The following CEP131 variants were observed in gnomAD, a reference collection of about 807,000 sequenced individuals.
CEP131 encodes the protein centrosomal protein 131.
Under a neutral mutation model 136.8 loss-of-function variants are expected in CEP131, and 99 were observed. The observed-to-expected ratio is 0.72, with a 90% CI of 0.62 to 0.86. The LOEUF (loss-of-function observed/expected upper bound fraction) is 0.86. CEP131 is among the 40% of genes least tolerant of loss of function. The pLI, the probability that CEP131 is intolerant of heterozygous loss-of-function variation, is 0.00. For missense variants in CEP131, 1,459 were observed against 1,463.0 expected, an observed-to-expected ratio of 1.00 and a Z score of 0.04; for synonymous variants, 646 against 612.7, an observed-to-expected ratio of 1.05 and a Z score of -0.80.
chr17:81,194,564 C>T (rs1019091212), intron 17 of CEP131, among the ~76,000 whole-genome samples: 13 of 152,348 alleles, frequency 8.5e-5, no homozygotes, highest in African/African-American at 2.6e-4. Flanking sequence ...GTGCCACAGT[C>T]GTCCACAAAC....
In CEP131 at chr17:81,200,361, G is replaced by C; in HGVS notation, c.874C>G (p.Arg292Gly). 2 of 1,590,060 alleles carry C rather than the reference G, an allele frequency of 1.3e-6. No homozygotes were observed. Among genetic ancestry groups the C allele is most frequent in the Non-Finnish European group, 1.7e-6 (2 of 1,168,850 alleles). ...TTGGCCTGAAGCAAGTGCTCCAGGC[G>C]GGCAGCTCCTGCTCCGCGCCGCTGC... ...QVQRRGAGAA[R>G]LEHLLQAKRE... is the part of the protein sequence containing the mutation. The change falls in exon 8 of 26, where the codon CGC becomes GGC. Residue 292 changes from arginine to glycine, a missense_variant. Arg to Gly is a moderately radical substitution (Grantham distance 125, BLOSUM62 -2). Transcript: ENST00000450824.
intron 2 of CEP131, among the ~76,000 whole-genome samples, chr17:81,214,858 C>T (rs1056703103): frequency 1.3e-5 from 2 of 151,820 alleles, no homozygotes; most frequent in African/African-American, 4.8e-5. Flanking sequence ...CTGCAAGTTC[C>T]GCCTCCTGGG....
chr17:81,218,443 G>T (rs368019167), intron 2 of CEP131, among the ~76,000 whole-genome samples: 22 of 152,264 alleles, frequency 1.4e-4, no homozygotes, highest in African/African-American at 5.3e-4. Context: ...GAGGGGGTCA[G>T]TGACGCAGGA....
At chr17:81,191,416 G>A in intron 21 of CEP131, 81 bp from the exon 22 acceptor site, 2 of 1,363,944 alleles carry the variant, frequency 1.5e-6, no homozygotes, top group African/African-American at 1.4e-5. Flanking sequence ...GGTCCTGGGG[G>A]GCTCCAGGCT....
At chr17:81,212,654 G>T (rs2062159941) in intron 2 of CEP131, among the ~76,000 whole-genome samples, 1 of 151,856 alleles carries the variant, frequency 6.6e-6, no homozygotes. Flanking sequence ...TGGGGTTTGG[G>T]TTATCCACTG....
chr17:81,203,672 C>A lies in CEP131; in HGVS notation c.516-65G>T, dbSNP rs2061944245. The stretch of plus-strand genomic sequence containing the variant: ...GGAGGGGACGCCTGAGATCTCAGAG[C>A]TACACTCGCAGCACGGGCTGGGAGG... On this transcript the variant is annotated intron_variant, in intron 5 of 25. Transcript: ENST00000450824. The surrounding 1 kb of genome is among the most constrained non-coding windows in gnomAD (Gnocchi z 4.6). 7.7e-7 allele frequency: 1 copy of A among 1,296,238 alleles called. No individual in the cohort carries two copies. The highest frequency in any genetic ancestry group is 1.1e-6 in the Non-Finnish European group (1 of 926,758). The allele number at this position is 1,296,238 out of a possible 1,614,324, so 80.3% of individuals were successfully genotyped here. A position where few individuals can be genotyped will look rare whatever the true frequency, so the allele number is the denominator to read the frequency against.
At chr17:81,205,404 T>C (rs532525801) in intron 5 of CEP131, among the ~76,000 whole-genome samples, 2 of 55,056 alleles carry the variant, frequency 3.6e-5, no homozygotes, top group African/African-American at 8.4e-5. Flanking sequence ...AGCGGGGCAG[T>C]GGGTGGGGGG....
At position 81,214,413 on chromosome 17, in the gene CEP131, C is replaced by A. The variant is rs9894363; in HGVS notation, c.178-5391G>T. Among the ~76,000 whole-genome samples, 308 of 151,844 alleles carry A rather than the reference C, an allele frequency of 2.0e-3. 2 individuals carry two copies. Among genetic ancestry groups the A allele is most frequent in the African/African-American group, 6.8e-3 (281 of 41,426 alleles). On this transcript the variant is annotated intron_variant, in intron 2 of 25. Transcript: ENST00000450824. ...TCTACTAAAAATACAAAACTTAGCC[C>A]GGCATGGTGGCAGGCGCCTGTAATC... is the stretch of plus-strand genomic sequence containing the variant.
intron 2 of CEP131, among the ~76,000 whole-genome samples, chr17:81,218,962 C>T (rs2062321395): frequency 6.6e-6 from 1 of 152,262 alleles, no homozygotes; most frequent in African/African-American, 2.4e-5. Flanking sequence ...GCATGGAAGC[C>T]AAGGCCCCCA....
At chr17:81,213,764 G>T (rs1015682646) in intron 2 of CEP131, among the ~76,000 whole-genome samples, 6 of 152,130 alleles carry the variant, frequency 3.9e-5, no homozygotes, top group Non-Finnish European at 8.8e-5. Context: ...CTCCACCTTG[G>T]CCAGGGGACC....
At chr17:81,213,078 C>T (rs943519288) in intron 2 of CEP131, among the ~76,000 whole-genome samples, 1 of 152,062 alleles carries the variant, frequency 6.6e-6, no homozygotes, top group African/African-American at 2.4e-5. Flanking sequence ...GTTTATAGGG[C>T]CAGAAATAAG....
intron 2 of CEP131, among the ~76,000 whole-genome samples, chr17:81,212,198 C>T (rs1722540284): frequency 6.6e-6 from 1 of 151,528 alleles, no homozygotes; most frequent in South Asian, 2.1e-4. Flanking sequence ...TGGCACGCAC[C>T]TGTAATCCCA....
chr17:81,203,216 T>C lies in CEP131; in HGVS notation c.629+278A>G, dbSNP rs1029580724. Reference sequence around the variant, plus strand: ...CCTCACTGTGCCACATCTGGGCTGTTTTCTCTCTGTGGGAAGCTGCCGACC... The same window carrying C: ...CCTCACTGTGCCACATCTGGGCTGTCTTCTCTCTGTGGGAAGCTGCCGACC... On this transcript the variant is annotated intron_variant, in intron 6 of 25. Coordinates refer to ENST00000450824, the MANE Select transcript of CEP131 (RefSeq NM_014984.4). This position sits in a 1 kb window ranked among gnomAD's most constrained non-coding sequence, Gnocchi z 4.6. Among the ~76,000 whole-genome samples the C allele has an allele frequency of 4.6e-5, 7 of 152,116 alleles. No homozygotes were observed. Among genetic ancestry groups the C allele is most frequent in the Admixed American group, 3.3e-4 (5 of 15,284 alleles).
At position 81,202,417 on chromosome 17, in the gene CEP131, A is replaced by G. The variant is rs770251759; in HGVS notation, c.630-19T>C. ...GATGTTGCTGACAGGTAAGAAGAAA[A>G]CACCCTCGTCTCACCGCCCAGGGGA... is the stretch of plus-strand genomic sequence containing the variant. On this transcript the variant is annotated intron_variant, in intron 6 of 25. Coordinates refer to ENST00000450824, the MANE Select transcript of CEP131 (RefSeq NM_014984.4). 8.7e-6 allele frequency: 14 copies of G among 1,609,500 alleles called. No homozygotes were observed. The South Asian group carries it at 1.5e-4, about 18-fold the overall frequency.
Position 81,199,809 on chromosome 17 carries a change from C to G in CEP131, c.933G>C (p.Gly311=). 1 of 1,611,504 alleles carries G rather than the reference C, an allele frequency of 6.2e-7. No homozygotes were observed. The change falls in exon 9 of 26, where the codon GGG becomes GGC. Residue 311 remains glycine (G), a synonymous_variant. Transcript: ENST00000450824. ...TCTGCTGGTGCAGGTCCAAGAGGGT[C>G]CCCTCGCCTGACCGCTGCCGCTGCT... ...REEQRQRSGE[G]TLLDLHQQKE...
At position 81,191,378 on chromosome 17, in the gene CEP131, G is replaced by A. The variant is rs763438272; in HGVS notation, c.2623-43C>T. The stretch of plus-strand genomic sequence containing the variant: ...GCCTGGGGGTTGCCACCCGGAGCCG[G>A]CCCGCGGGGCCAGGGCCAGCCTCAG... On this transcript the variant is annotated intron_variant, in intron 21 of 25. Coordinates refer to ENST00000450824, the MANE Select transcript of CEP131 (RefSeq NM_014984.4). 9.3e-6 allele frequency: 15 copies of A among 1,608,514 alleles called. No individual in the cohort carries two copies. In the East Asian group the frequency reaches 2.9e-4, roughly 31 times the overall value.
At chr17:81,192,696 AG>A in intron 19 of CEP131, 39 bp downstream of exon 19, 2 of 1,452,350 alleles carry the variant, frequency 1.4e-6, no homozygotes, top group Non-Finnish European at 1.9e-6. Context: ...TCAGCCAGCG[AG>A]GGGTCCCTGG....
intron 17 of CEP131, 59 bp from the exon 18 acceptor site, chr17:81,194,186 C>T: frequency 4.2e-6 from 6 of 1,420,304 alleles, no homozygotes; most frequent in Non-Finnish European, 5.6e-6. Flanking sequence ...GGAAGTCCAA[C>T]CCTGGCACAA....
chr17:81,190,994 CT>C lies in CEP131; in HGVS notation c.2855del (p.Lys952ArgfsTer31). 6.2e-7 allele frequency: 1 copy of C among 1,608,796 alleles called. No homozygotes were observed. ...RKLQERCSEL[K>X]GQLGEAEGEN... is the part of the protein sequence containing the mutation. ...CGCCCTCGGCCTCCCCAAGCTGGCC[CT>C]TCAGCTCCGAGCACCGCTCCTGAAG... On this transcript the variant is annotated frameshift_variant, in exon 23 of 26. Transcript: ENST00000450824. LOFTEE classifies it high-confidence loss of function.
Sources: gnomAD v4.1 joint callset for allele counts (sites outside exome capture counted in the v4.1 genomes callset) on GRCh38, gnomAD v4.1.1 for gene constraint, Gnocchi (gnomAD v3.1) non-coding constraint, MANE v1.5 for transcripts, NCBI Gene and HGNC (gene_info 2026-07-23, HGNC 2026-07-21) for gene names.